Variants in RPS6KC1 observed in about 807,000 individuals in gnomAD.
RPS6KC1 encodes the protein inactive ribosomal protein S6 kinase delta-1.
Under a neutral mutation model 103.8 loss-of-function variants are expected in RPS6KC1, and 54 were observed. The observed-to-expected ratio is 0.52, with a 90% confidence interval of 0.42 to 0.65. The LOEUF is 0.65. RPS6KC1 is among the 30% of genes least tolerant of loss of function. The pLI is 0.00. For synonymous variants in RPS6KC1, 439 were observed against 438.7 expected, an observed-to-expected ratio of 1.00 and a Z score of -0.01; for missense variants, 1,151 against 1,253.8, an observed-to-expected ratio of 0.92 and a Z score of 1.24.
At chr1:213,451,863 C>T in the RPS6KC1 span, among the ~76,000 whole-genome samples, 1 of 152,106 alleles carries the variant, frequency 6.6e-6, no homozygotes, top group South Asian at 2.1e-4. Context: ...CTCGCCTTCA[C>T]TCACACCATC....
the RPS6KC1 span, among the ~76,000 whole-genome samples, chr1:213,364,610 C>A: frequency 5.3e-5 from 8 of 151,946 alleles, no homozygotes; most frequent in Admixed American, 3.9e-4. Context: ...AAGAGATGAC[C>A]AGGGGGTGCC....
At chr1:213,629,204 A>C in the RPS6KC1 span, among the ~76,000 whole-genome samples, 3 of 151,870 alleles carry the variant, frequency 2.0e-5, no homozygotes, top group East Asian at 5.8e-4. Flanking sequence ...CCCATTATTA[A>C]TGTGTGGGAG....
intron 6 of RPS6KC1, among the ~76,000 whole-genome samples, chr1:213,151,616 C>T (rs1355303239): frequency 1.1e-5 from 1 of 94,488 alleles, no homozygotes; most frequent in Non-Finnish European, 2.2e-5. Context: ...CCCCCACCTC[C>T]ATCCCAGACG....
At chr1:213,118,888 G>T (rs749928760) in intron 5 of RPS6KC1, among the ~76,000 whole-genome samples, 69 of 151,778 alleles carry the variant, frequency 4.5e-4, no homozygotes, top group Middle Eastern at 3.4e-3. Context: ...TATTTTTTTT[G>T]TGTGTGTGTC....
the RPS6KC1 span, among the ~76,000 whole-genome samples, chr1:213,554,239 A>T: frequency 2.0e-5 from 3 of 152,214 alleles, no homozygotes; most frequent in Non-Finnish European, 4.4e-5. Context: ...AATCTTCTGC[A>T]TATGGCTAAC....
At chr1:213,551,065 A>G in the RPS6KC1 span, among the ~76,000 whole-genome samples, 1 of 152,178 alleles carries the variant, frequency 6.6e-6, no homozygotes, top group African/African-American at 2.4e-5. Context: ...CCTAAACCTC[A>G]GGGGCTGAAC....
At chr1:213,366,785 A>G in the RPS6KC1 span, among the ~76,000 whole-genome samples, 3 of 152,204 alleles carry the variant, frequency 2.0e-5, no homozygotes, top group Non-Finnish European at 2.9e-5. Context: ...TCCAGTGGCC[A>G]AGTTCATGAT....
the RPS6KC1 span, among the ~76,000 whole-genome samples, chr1:213,770,769 A>G: frequency 1.0e-3 from 159 of 152,304 alleles, 1 homozygote; most frequent in African/African-American, 3.8e-3. Flanking sequence ...TTGGCTCTTT[A>G]TGCCATCCTT....
At chr1:213,455,909 A>G in the RPS6KC1 span, among the ~76,000 whole-genome samples, 1 of 152,206 alleles carries the variant, frequency 6.6e-6, no homozygotes, top group Non-Finnish European at 1.5e-5. Context: ...CTGCTTGAAC[A>G]TAGCCGAAGG....
chr1:213,646,396 C>T, the RPS6KC1 span, among the ~76,000 whole-genome samples: 1 of 152,138 alleles, frequency 6.6e-6, no homozygotes, highest in African/African-American at 2.4e-5. Flanking sequence ...AAAGTAGAGC[C>T]TGGAGGCCAG....
chr1:213,309,706 CAG>C, the RPS6KC1 span, among the ~76,000 whole-genome samples: 1 of 152,138 alleles, frequency 6.6e-6, no homozygotes, highest in African/African-American at 2.4e-5. Flanking sequence ...TTTCTTGAGA[CAG>C]AGTTTCCCTT....
intron 4 of RPS6KC1, among the ~76,000 whole-genome samples, chr1:213,114,360 CTGT>C: frequency 2.0e-5 from 1 of 49,972 alleles, no homozygotes; most frequent in East Asian, 4.3e-4. Context: ...GGCTCTCTGT[CTGT>C]TGTTGGTGTA....
chr1:213,801,303 C>T, the RPS6KC1 span, among the ~76,000 whole-genome samples: 1 of 152,160 alleles, frequency 6.6e-6, no homozygotes, highest in African/African-American at 2.4e-5. Context: ...ATATGAAACA[C>T]ATTTTTAAAA....
At chr1:213,194,580 C>T (rs575077133) in intron 8 of RPS6KC1, among the ~76,000 whole-genome samples, 13 of 152,270 alleles carry the variant, frequency 8.5e-5, no homozygotes, top group East Asian at 7.7e-4. Flanking sequence ...TGTTAGGAAC[C>T]GGGCCTCACA....
the RPS6KC1 span, among the ~76,000 whole-genome samples, chr1:213,712,523 C>A: frequency 6.6e-6 from 1 of 152,198 alleles, no homozygotes; most frequent in Non-Finnish European, 1.5e-5. Flanking sequence ...GGGGAGTCAA[C>A]GGTTCTGTCT....
At chr1:213,756,919 T>C in the RPS6KC1 span, among the ~76,000 whole-genome samples, 1 of 152,202 alleles carries the variant, frequency 6.6e-6, no homozygotes, top group African/African-American at 2.4e-5. Flanking sequence ...CCCAAACATC[T>C]TTATTATTAT....
chr1:213,299,008 C>T, the RPS6KC1 span, among the ~76,000 whole-genome samples: 1 of 152,184 alleles, frequency 6.6e-6, no homozygotes, highest in Non-Finnish European at 1.5e-5. Flanking sequence ...CTGAAGTCTT[C>T]TTCACTCACG....
the RPS6KC1 span, among the ~76,000 whole-genome samples, chr1:213,772,697 G>C: frequency 6.6e-6 from 1 of 151,110 alleles, no homozygotes; most frequent in Non-Finnish European, 1.5e-5. Flanking sequence ...TCACAATGCC[G>C]GGGATGGAGG....
intron 3 of RPS6KC1, among the ~76,000 whole-genome samples, chr1:213,087,380 T>C (rs1337512381): frequency 1.3e-5 from 2 of 152,252 alleles, no homozygotes; most frequent in African/African-American, 2.4e-5. Flanking sequence ...ATTATTGCCT[T>C]TCAAGATCAG....
Sources: gnomAD v4.1 joint callset for allele counts (sites outside exome capture counted in the v4.1 genomes callset) on GRCh38, gnomAD v4.1.1 for gene constraint, MANE v1.5 for transcripts, NCBI Gene and HGNC (gene_info 2026-07-23, HGNC 2026-07-21) for gene names.